Variants in ANKMY2 observed in about 807,000 individuals in gnomAD.
ANKMY2 encodes the protein ankyrin repeat and MYND domain containing 2, also known as ankyrin repeat and MYND domain-containing protein 2.
A neutral mutation model predicts 50.4 loss-of-function variants in ANKMY2; 36 were observed. That is an observed-to-expected ratio of 0.71 (90% CI 0.55 to 0.94). The LOEUF (loss-of-function observed/expected upper bound fraction) is 0.94, where lower values mean the gene tolerates loss of function less well. Ranked by LOEUF, ANKMY2 falls within the 40% of genes least tolerant of loss-of-function variation. The probability of loss-of-function intolerance (pLI) is 0.00; values close to 1 mark genes in which losing one functional copy is unlikely to be tolerated. For missense variants in ANKMY2, 565 were observed against 524.0 expected (o/e 1.08, Z -0.76); for synonymous variants, 187 against 178.8 (o/e 1.05, Z -0.36).
Position 16,600,496 on chromosome 7 carries a change from C to T in ANKMY2, c.*265G>A, listed in dbSNP as rs539853136. On this transcript the variant is annotated 3_prime_UTR_variant, in exon 10 of 10. Transcript: ENST00000306999. ...TCCTTTGAAACAATTGCTGGAAAGC[C>T]AGCCTCAGAAAGGTAATAGGAATGT... 1.8e-3 allele frequency: 504 copies of T among 283,166 alleles called. 1 individual carries two copies. Among genetic ancestry groups the T allele is most frequent in the Non-Finnish European group, 2.9e-3 (451 of 153,758 alleles). 17.5% of individuals were successfully genotyped at this position (283,166 alleles called of 1,614,324 possible).
intron 5 of ANKMY2, among the ~76,000 whole-genome samples, chr7:16,613,663 G>C (rs1299389497): frequency 6.6e-6 from 1 of 151,986 alleles, no homozygotes; most frequent in Non-Finnish European, 1.5e-5. Flanking sequence ...GATAACTGAA[G>C]GTAGAGTATT....
At chr7:16,606,654 T>C (rs1167983534) in intron 7 of ANKMY2, among the ~76,000 whole-genome samples, 1 of 152,242 alleles carries the variant, frequency 6.6e-6, no homozygotes, top group Non-Finnish European at 1.5e-5. Context: ...TAAGAATATT[T>C]GTTTTTATAT....
At chr7:16,625,980 T>C (rs1781500824) in intron 3 of ANKMY2, among the ~76,000 whole-genome samples, 1 of 11,282 alleles carries the variant, frequency 8.9e-5, no homozygotes, top group Admixed American at 1.6e-3. Flanking sequence ...ATAAGAAGTC[T>C]TTTTTTTTTT....
intron 2 of ANKMY2, among the ~76,000 whole-genome samples, chr7:16,629,337 A>G (rs1781546779): frequency 6.6e-6 from 1 of 152,178 alleles, no homozygotes; most frequent in African/African-American, 2.4e-5. Context: ...GGAGTTCAAG[A>G]CCAGCCTGGC....
chr7:16,645,147 C>G (rs74438502), intron 1 of ANKMY2, among the ~76,000 whole-genome samples: 1,597 of 152,224 alleles, frequency 0.01, 24 homozygotes, highest in African/African-American at 0.037. Flanking sequence ...CCTGAAACTA[C>G]CAGGACTGAC....
chr7:16,638,914 TGGCAGAGACCAAA>T (rs1359941720), intron 1 of ANKMY2, among the ~76,000 whole-genome samples: 1 of 152,198 alleles, frequency 6.6e-6, no homozygotes, highest in East Asian at 1.9e-4. Flanking sequence ...TAGGAGCCAG[TGGCAGAGACCAAA>T]TAGATATTTC....
intron 2 of ANKMY2, among the ~76,000 whole-genome samples, chr7:16,635,344 A>G (rs533318167): frequency 6.6e-6 from 1 of 152,234 alleles, no homozygotes; most frequent in South Asian, 2.1e-4. Flanking sequence ...TTTTTGCAGG[A>G]GTGGGTGGGG....
rs189937842 is a variant in ANKMY2 at position 16,603,568 on chromosome 7, T to C, written c.1012-1059A>G. On this transcript the variant is annotated intron_variant, in intron 8 of 9. Coordinates refer to ENST00000306999, the MANE Select transcript of ANKMY2 (RefSeq NM_020319.3). ...ACTTACTGTATGCCAAGCACTGTGG[T>C]AGGCCCTTATACATATATTGTATTA... The C allele has an allele frequency of 2.3e-5, 11 of 470,026 alleles. No homozygotes were observed. The Admixed American group carries it at 2.6e-4, about 11-fold the overall frequency. 29.1% of individuals were successfully genotyped at this position (470,026 alleles called of 1,614,324 possible). A position where few individuals can be genotyped will look rare whatever the true frequency, so the allele number is the denominator to read the frequency against.
At chr7:16,612,128 G>T (rs747799635) in intron 5 of ANKMY2, among the ~76,000 whole-genome samples, 13 of 152,198 alleles carry the variant, frequency 8.5e-5, no homozygotes, top group African/African-American at 3.1e-4. Context: ...AGAGCAGACA[G>T]CCAGTCAGTA....
At chr7:16,607,668 C>T (rs538968829) in intron 7 of ANKMY2, among the ~76,000 whole-genome samples, 2 of 126,192 alleles carry the variant, frequency 1.6e-5, no homozygotes, top group Non-Finnish European at 3.3e-5. Flanking sequence ...TATTGACCTG[C>T]TTTTTTTTTT....
intron 4 of ANKMY2, among the ~76,000 whole-genome samples, chr7:16,616,344 T>A (rs1311024599): frequency 6.6e-6 from 1 of 152,122 alleles, no homozygotes; most frequent in Non-Finnish European, 1.5e-5. Flanking sequence ...ATGATAATAT[T>A]AAACTAAACC....
chr7:16,620,591 T>TACACACACACACACACACACAC (rs58418780), intron 4 of ANKMY2, among the ~76,000 whole-genome samples: 2 of 145,510 alleles, frequency 1.4e-5, no homozygotes, highest in African/African-American at 5.2e-5. Context: ...AATACATGTG[T>TACACACACACACACACACACAC]ACACACACAC....
chr7:16,640,493 G>A (rs541897616), intron 1 of ANKMY2, among the ~76,000 whole-genome samples: 4 of 152,152 alleles, frequency 2.6e-5, no homozygotes, highest in South Asian at 4.1e-4. Flanking sequence ...ATTCAAACAC[G>A]TATAGATTTC....
At chr7:16,606,786 G>C (rs1399383706) in intron 7 of ANKMY2, among the ~76,000 whole-genome samples, 2 of 152,160 alleles carry the variant, frequency 1.3e-5, no homozygotes, top group Admixed American at 1.3e-4. Flanking sequence ...TATTTTAAAA[G>C]TAGCACTCAT....
At chr7:16,638,693 T>G (rs1781703391) in intron 1 of ANKMY2, among the ~76,000 whole-genome samples, 1 of 152,176 alleles carries the variant, frequency 6.6e-6, no homozygotes, top group Non-Finnish European at 1.5e-5. Flanking sequence ...AACCTTCTAA[T>G]CATGGCTTGG....
At chr7:16,610,032 T>A (rs1005685514) in intron 6 of ANKMY2, among the ~76,000 whole-genome samples, 1 of 152,218 alleles carries the variant, frequency 6.6e-6, no homozygotes, top group African/African-American at 2.4e-5. Context: ...TAGTTACTTA[T>A]TACCATGTCA....
At position 16,609,627 on chromosome 7, in the gene ANKMY2, T is replaced by C; in HGVS notation, c.882+3A>G. On this transcript the variant is annotated splice_donor_region_variant and intron_variant, in intron 7 of 9. Coordinates refer to ENST00000306999, the MANE Select transcript of ANKMY2 (RefSeq NM_020319.3). ...GAGTCAACTTAGGTAAGAGGAGCCTTACAATTTCAACAGGAGCAATGCTTC... is the reference window on the plus strand; with the variant it reads ...GAGTCAACTTAGGTAAGAGGAGCCTCACAATTTCAACAGGAGCAATGCTTC... The C allele has an allele frequency of 6.3e-7, 1 of 1,597,676 alleles. No individual in the cohort carries two copies. Among genetic ancestry groups the C allele is most frequent in the Non-Finnish European group, 8.5e-7 (1 of 1,175,460 alleles).
At chr7:16,603,283 T>C (rs899990773) in intron 8 of ANKMY2, among the ~76,000 whole-genome samples, 4 of 152,182 alleles carry the variant, frequency 2.6e-5, no homozygotes, top group Admixed American at 6.5e-5. Flanking sequence ...GGCAGGCACC[T>C]AAATACATAA....
chr7:16,605,587 T>A (rs1030355607), intron 7 of ANKMY2, among the ~76,000 whole-genome samples: 4 of 151,032 alleles, frequency 2.6e-5, no homozygotes, highest in Non-Finnish European at 5.9e-5. Flanking sequence ...AACCTCCGCC[T>A]CCCAGGTTCA....
Sources: allele counts gnomAD v4.1 joint callset (sites outside exome capture counted in the v4.1 genomes callset), GRCh38; gene constraint gnomAD v4.1.1; transcripts MANE v1.5; gene names NCBI Gene and HGNC (gene_info 2026-07-23, HGNC 2026-07-21).